Variants in KCNJ6 observed in about 807,000 individuals in gnomAD.
The protein encoded by KCNJ6 is G protein-activated inward rectifier potassium channel 2.
A neutral mutation model predicts 34.2 loss-of-function variants in KCNJ6; 9 were observed. The ratio of observed to expected loss-of-function variants is 0.26; its 90% CI spans 0.16 to 0.46. The LOEUF is 0.46. Among genes scored for constraint, KCNJ6 ranks in the 20% least tolerant of loss-of-function variants. The probability of loss-of-function intolerance (pLI) is 1.00; values close to 1 mark genes in which losing one functional copy is unlikely to be tolerated. For missense variants in KCNJ6, 236 were observed against 531.3 expected, an observed-to-expected ratio of 0.44 and a Z score of 5.46; for synonymous variants, 196 against 207.1, an observed-to-expected ratio of 0.95 and a Z score of 0.46.
chr21:37,715,748 C>CAAACAGAGGAAAA (rs942566728), intron 2 of KCNJ6, among the ~76,000 whole-genome samples: 5 of 152,140 alleles, frequency 3.3e-5, no homozygotes, highest in African/African-American at 1.2e-4. Context: ...GGGGTGCACA[C>CAAACAGAGGAAAA]AAACAGAGGA....
intron 3 of KCNJ6, among the ~76,000 whole-genome samples, chr21:37,679,562 C>T (rs1171652309): frequency 6.6e-6 from 1 of 152,168 alleles, no homozygotes; most frequent in African/African-American, 2.4e-5. Flanking sequence ...ATTGCATGAT[C>T]TCAGGCAAAC....
intron 2 of KCNJ6, among the ~76,000 whole-genome samples, chr21:37,743,777 T>G (rs1024449989): frequency 2.0e-5 from 3 of 151,876 alleles, no homozygotes; most frequent in African/African-American, 7.3e-5. Context: ...AAACAAAGAC[T>G]ATGACAGTAC....
At chr21:37,625,791 A>G (rs857979) in intron 3 of KCNJ6, among the ~76,000 whole-genome samples, 110,116 of 152,294 alleles carry the variant, frequency 0.72, 40,217 homozygotes, top group East Asian at 0.87. Context: ...TCGCATGTGC[A>G]TGGCTATGTC....
At chr21:37,718,624 C>G (rs1305249122) in intron 2 of KCNJ6, among the ~76,000 whole-genome samples, 3 of 151,102 alleles carry the variant, frequency 2.0e-5, no homozygotes, top group Non-Finnish European at 4.4e-5. Context: ...AATGAGAACA[C>G]TTGGATGCAG....
At chr21:37,732,874 G>A (rs889302051) in intron 2 of KCNJ6, among the ~76,000 whole-genome samples, 3 of 152,176 alleles carry the variant, frequency 2.0e-5, no homozygotes, top group African/African-American at 4.8e-5. Flanking sequence ...ATAGTTGAGG[G>A]TTAAGAACAA....
At chr21:37,866,852 T>C (rs1013415509) in intron 1 of KCNJ6, among the ~76,000 whole-genome samples, 7 of 152,212 alleles carry the variant, frequency 4.6e-5, no homozygotes, top group African/African-American at 1.4e-4. Flanking sequence ...GATTACTGGA[T>C]GTCTTCAATA....
At chr21:37,907,372 C>T (rs1322505217) in intron 1 of KCNJ6, among the ~76,000 whole-genome samples, 1 of 152,110 alleles carries the variant, frequency 6.6e-6, no homozygotes, top group Non-Finnish European at 1.5e-5. Context: ...ATGGCTCCCT[C>T]AGTCATAAAG....
intron 2 of KCNJ6, among the ~76,000 whole-genome samples, chr21:37,803,643 C>A (rs186740792): frequency 6.6e-6 from 1 of 152,176 alleles, no homozygotes; most frequent in Non-Finnish European, 1.5e-5. Flanking sequence ...CAGAGAAGTG[C>A]CCTCCTCCCT....
At chr21:37,713,792 A>AT (rs1319008895) in intron 3 of KCNJ6, among the ~76,000 whole-genome samples, 1 of 152,182 alleles carries the variant, frequency 6.6e-6, no homozygotes, top group Non-Finnish European at 1.5e-5. Flanking sequence ...GTGAAATTGC[A>AT]TTTTTATTAA....
chr21:37,687,346 C>A (rs2054620349), intron 3 of KCNJ6, among the ~76,000 whole-genome samples: 1 of 152,164 alleles, frequency 6.6e-6, no homozygotes, highest in East Asian at 1.9e-4. Flanking sequence ...CAATTCCAGG[C>A]CAGAAATCTT....
In KCNJ6 at chr21:37,835,486, G is replaced by A. The variant is rs118158656; in HGVS notation, c.25+5172C>T. On this transcript the variant is annotated intron_variant, in intron 2 of 3. Transcript: ENST00000609713. ...ACCTCCAAGGTTGGAGGGCAGTGATGTGTCAGCAGACAATGACCATGAAGA... is the reference window on the plus strand; with the variant it reads ...ACCTCCAAGGTTGGAGGGCAGTGATATGTCAGCAGACAATGACCATGAAGA... Among the ~76,000 whole-genome samples the A allele has an allele frequency of 5.9e-3, 904 of 152,326 alleles. 10 individuals carry two copies. The highest frequency in any genetic ancestry group is 9.5e-3 in the Admixed American group (145 of 15,304).
intron 1 of KCNJ6, among the ~76,000 whole-genome samples, chr21:37,877,472 A>C (rs2055684748): frequency 6.6e-6 from 1 of 152,156 alleles, no homozygotes; most frequent in African/African-American, 2.4e-5. Context: ...AAACAGAAAA[A>C]CTTGAGTGTC....
rs150783434 is a variant in KCNJ6 at position 37,743,742 on chromosome 21, C to T, written c.26-28611G>A. On this transcript the variant is annotated intron_variant, in intron 2 of 3. Transcript: ENST00000609713. ...TGTTCATTATAAATTACCCAATATGCGGTATTCTGTTACAGAAGCTAAAAA... is the reference window on the plus strand; with the variant it reads ...TGTTCATTATAAATTACCCAATATGTGGTATTCTGTTACAGAAGCTAAAAA... 1.8e-3 allele frequency among the ~76,000 whole-genome samples: 274 copies of T among 151,806 alleles called. 2 individuals are homozygous for T. The highest frequency in any genetic ancestry group is 6.2e-3 in the African/African-American group (258 of 41,344).
rs529237517 is a variant in KCNJ6, at chr21:37,853,536, G to C, written c.-27-12827C>G. Among the ~76,000 whole-genome samples the C allele has an allele frequency of 1.7e-3, 258 of 152,098 alleles. 1 individual carries two copies. Among genetic ancestry groups the C allele is most frequent in the African/African-American group, 5.9e-3 (246 of 41,522 alleles). Reference sequence around the variant, plus strand: ...GCAGACCTACCCTGAAAGAAAGGAAGTTCTCTCAACAAAAAGGAAATAATA... The same window carrying C: ...GCAGACCTACCCTGAAAGAAAGGAACTTCTCTCAACAAAAAGGAAATAATA... On this transcript the variant is annotated intron_variant, in intron 1 of 3. Coordinates refer to ENST00000609713, the MANE Select transcript of KCNJ6 (RefSeq NM_002240.5).
In KCNJ6 at chr21:37,840,617, A is replaced by T. The variant is rs998822817; in HGVS notation, c.25+41T>A. The T allele has an allele frequency of 2.7e-6, 4 of 1,486,376 alleles. No individual in the cohort carries two copies. In the African/African-American group the frequency reaches 5.6e-5, roughly 21 times the overall value. The allele number at this position is 1,486,376 out of a possible 1,614,324, so 92.1% of individuals were successfully genotyped here. Reference sequence around the variant, plus strand: ...TTTTTGTGCGATTTTGCATTTTCCCATTCAAAACAAAAAATAAATAATAAA... The same window carrying T: ...TTTTTGTGCGATTTTGCATTTTCCCTTTCAAAACAAAAAATAAATAATAAA... On this transcript the variant is annotated intron_variant, in intron 2 of 3. Transcript: ENST00000609713.
intron 2 of KCNJ6, among the ~76,000 whole-genome samples, chr21:37,812,568 A>G (rs2055328171): frequency 6.6e-6 from 1 of 152,232 alleles, no homozygotes; most frequent in African/African-American, 2.4e-5. Flanking sequence ...ATCACTCATC[A>G]TGACGAAGTG....
At chr21:37,677,635 A>T (rs2054570620) in intron 3 of KCNJ6, among the ~76,000 whole-genome samples, 1 of 151,958 alleles carries the variant, frequency 6.6e-6, no homozygotes, top group Non-Finnish European at 1.5e-5. Flanking sequence ...GTATGTGTTA[A>T]AATTATTTTT....
intron 2 of KCNJ6, among the ~76,000 whole-genome samples, chr21:37,771,310 C>A (rs747704576): frequency 2.6e-5 from 4 of 152,070 alleles, no homozygotes; most frequent in African/African-American, 7.2e-5. Flanking sequence ...TCTAGATGGA[C>A]CTGAATCCTT....
intron 2 of KCNJ6, among the ~76,000 whole-genome samples, chr21:37,786,590 G>A (rs992457979): frequency 6.6e-6 from 1 of 152,194 alleles, no homozygotes; most frequent in African/African-American, 2.4e-5. Flanking sequence ...TGGCCTCAAA[G>A]ACTATATGCA....
Sources: allele counts gnomAD v4.1 joint callset (sites outside exome capture counted in the v4.1 genomes callset), GRCh38; gene constraint gnomAD v4.1.1; transcripts MANE v1.5; gene names NCBI Gene and HGNC (gene_info 2026-07-23, HGNC 2026-07-21).